Variants in PRKAG2 observed in about 807,000 individuals in gnomAD.
PRKAG2 encodes protein kinase AMP-activated non-catalytic subunit gamma 2, also known as 5'-AMP-activated protein kinase subunit gamma-2.
In PRKAG2, 26 loss-of-function variants were observed where a neutral mutation model predicts 69.6. The ratio of observed to expected loss-of-function variants is 0.37; its 90% CI spans 0.27 to 0.52. The LOEUF is 0.52. Ranked by LOEUF, PRKAG2 falls within the 20% of genes least tolerant of loss-of-function variation. The pLI is 0.90. For synonymous variants in PRKAG2, 293 were observed against 285.0 expected (o/e 1.03, Z -0.28); for missense variants, 557 against 740.0 (o/e 0.75, Z 2.87).
intron 11 of PRKAG2, 29 bp downstream of exon 11, chr7:151,568,687 T>C (rs1386255777): frequency 3.7e-6 from 6 of 1,609,446 alleles, no homozygotes; most frequent in South Asian, 2.2e-5. Context: ...AATGCAATTA[T>C]GTCTTTAGAA....
chr7:151,729,920 G>A (rs950279768), intron 3 of PRKAG2, among the ~76,000 whole-genome samples: 2 of 152,188 alleles, frequency 1.3e-5, no homozygotes, highest in African/African-American at 2.4e-5. Flanking sequence ...TCGAAACAAG[G>A]CAGACGCAAA....
chr7:151,725,691 C>G (rs1466917355), intron 3 of PRKAG2, among the ~76,000 whole-genome samples: 1 of 152,040 alleles, frequency 6.6e-6, no homozygotes, highest in Non-Finnish European at 1.5e-5. Context: ...TATATACAGA[C>G]AGTTCATACC....
chr7:151,595,431 C>T lies in PRKAG2; in HGVS notation c.778G>A (p.Val260Ile), dbSNP rs1814246242. The T allele has an allele frequency of 6.2e-7, 1 of 1,613,714 alleles. No individual in the cohort carries two copies. Among genetic ancestry groups the T allele is most frequent in the Non-Finnish European group, 8.5e-7 (1 of 1,179,868 alleles). Residue 260 changes from valine to isoleucine, a missense_variant, in exon 6 of 16, where the codon GTT becomes ATT. Val to Ile is a conservative substitution (Grantham distance 29). Around this residue, in one of 2 missense-constraint regions of PRKAG2, gnomAD observed 205 missense variants for 383.4 expected, o/e 0.53. Coordinates refer to ENST00000287878, the MANE Select transcript of PRKAG2 (RefSeq NM_016203.4). ...DEAVEDSESG[V>I]YMRFMRSHKC... ...TGTGACCTCATGAATCGCATGTAAA[C>T]ACCACTTTCTGAGTCTTCTACTGCT...
Position 151,682,667 on chromosome 7 carries a change from G to A in PRKAG2, c.467-7030C>T, listed in dbSNP as rs1033001770. Among the ~76,000 whole-genome samples the A allele has an allele frequency of 3.9e-5, 6 of 152,206 alleles. No homozygotes were observed. In the East Asian group the frequency reaches 1.2e-3, roughly 29 times the overall value. On this transcript the variant is annotated intron_variant, in intron 3 of 15. Transcript: ENST00000287878. ...ACGGGCCAAGTATGCTGGGGGTGTT[G>A]AGGAAGGAGGTGCTAAGATGGATTA...
rs1424824719 is a variant in PRKAG2 at position 151,632,322 on chromosome 7, G to A, written c.685-184C>T. ...GGAGCGCTGCCCCCACCCGCCCGAGGCCGCCGCCGCCGCCGCAGGTGGCGC... is the reference window on the plus strand; with the variant it reads ...GGAGCGCTGCCCCCACCCGCCCGAGACCGCCGCCGCCGCCGCAGGTGGCGC... On this transcript the variant is annotated intron_variant, in intron 4 of 15. Transcript: ENST00000287878. The surrounding 1 kb of genome is among the most constrained non-coding windows in gnomAD (Gnocchi z 4.2). 1.5e-6 allele frequency: 1 copy of A among 671,230 alleles called. No homozygotes were observed. Among genetic ancestry groups the A allele is most frequent in the African/African-American group, 2.0e-5 (1 of 50,678 alleles). 41.6% of individuals were successfully genotyped at this position (671,230 alleles called of 1,614,324 possible).
Position 151,632,051 on chromosome 7 carries a change from CG to C in PRKAG2, c.754+17del. On this transcript the variant is annotated intron_variant, in intron 5 of 15. Transcript: ENST00000287878. The surrounding 1 kb of genome is among the most constrained non-coding windows in gnomAD (Gnocchi z 4.2). The stretch of plus-strand genomic sequence containing the variant: ...GGCCGTGGGAGCGCCGGGCCGGCAG[CG>C]GGCGGGGCGCACTCACCTTCGTCCT... The C allele has an allele frequency of 7.4e-7, 1 of 1,356,858 alleles. No homozygotes were observed. The highest frequency in any genetic ancestry group is 9.6e-7 in the Non-Finnish European group (1 of 1,041,346). 84.1% of individuals were successfully genotyped at this position (1,356,858 alleles called of 1,614,324 possible). A position where few individuals can be genotyped will look rare whatever the true frequency, so the allele number is the denominator to read the frequency against.
Position 151,693,679 on chromosome 7 carries a change from T to C in PRKAG2, c.467-18042A>G, listed in dbSNP as rs143192262. ...AATTCTACCCGCAAGGTGATGGTGT[T>C]AGGAGGCCGGGCCTTGGGAGGTGAG... On this transcript the variant is annotated intron_variant, in intron 3 of 15. Transcript: ENST00000287878. 6.2e-3 allele frequency among the ~76,000 whole-genome samples: 944 copies of C among 152,262 alleles called. 3 individuals carry two copies. The highest frequency in any genetic ancestry group is 0.021 in the African/African-American group (869 of 41,534).
At chr7:151,579,729 A>T (rs181338579) in intron 6 of PRKAG2, among the ~76,000 whole-genome samples, 2 of 152,328 alleles carry the variant, frequency 1.3e-5, no homozygotes, top group East Asian at 3.9e-4. Context: ...CCCAGGTAAG[A>T]TAAACACAAA....
At chr7:151,795,989 T>C (rs908275536) in intron 1 of PRKAG2, among the ~76,000 whole-genome samples, 8 of 148,626 alleles carry the variant, frequency 5.4e-5, no homozygotes, top group African/African-American at 2.0e-4. Context: ...AATATGTATA[T>C]TAAGGAGATA....
intron 1 of PRKAG2, among the ~76,000 whole-genome samples, chr7:151,833,717 A>G (rs939433375): frequency 1.3e-5 from 2 of 152,256 alleles, no homozygotes; most frequent in African/African-American, 4.8e-5. Flanking sequence ...TGTGATTAAC[A>G]CATTCAGAAA....
chr7:151,806,258 G>A (rs2078095650), intron 1 of PRKAG2, among the ~76,000 whole-genome samples: 1 of 152,222 alleles, frequency 6.6e-6, no homozygotes, highest in African/African-American at 2.4e-5. Flanking sequence ...CTTTTGGGGT[G>A]CTCTTGGGTG....
chr7:151,856,458 G>C (rs2079778097), intron 1 of PRKAG2, among the ~76,000 whole-genome samples: 2 of 152,254 alleles, frequency 1.3e-5, no homozygotes, highest in South Asian at 4.1e-4. Context: ...TAGGATGTAG[G>C]GGGAGACGAA....
At chr7:151,568,941 T>C (rs913328746) in intron 10 of PRKAG2, 99 bp from the exon 11 acceptor site, 1 of 1,359,332 alleles carries the variant, frequency 7.4e-7, no homozygotes, top group Admixed American at 1.7e-5. Flanking sequence ...TTTTTATTAT[T>C]GCAATAATAA....
intron 1 of PRKAG2, among the ~76,000 whole-genome samples, chr7:151,858,377 C>T (rs1455355226): frequency 6.6e-6 from 1 of 152,258 alleles, no homozygotes; most frequent in Non-Finnish European, 1.5e-5. Flanking sequence ...CTACTGGCTC[C>T]TTGGAGCTTT....
At chr7:151,725,610 C>G (rs1021010605) in intron 3 of PRKAG2, among the ~76,000 whole-genome samples, 1 of 150,494 alleles carries the variant, frequency 6.6e-6, no homozygotes, top group Admixed American at 6.6e-5. Flanking sequence ...TACCATTCCA[C>G]AGAAGAGCTA....
intron 3 of PRKAG2, among the ~76,000 whole-genome samples, chr7:151,693,323 G>A (rs1222545120): frequency 6.6e-6 from 1 of 152,142 alleles, no homozygotes; most frequent in African/African-American, 2.4e-5. Context: ...AGGGGCGCAC[G>A]AGGGGTTCCA....
At position 151,575,950 on chromosome 7, in the gene PRKAG2, C is replaced by T. The variant is rs79682747; in HGVS notation, c.946+421G>A. On this transcript the variant is annotated intron_variant, in intron 7 of 15. Coordinates refer to ENST00000287878, the MANE Select transcript of PRKAG2 (RefSeq NM_016203.4). ...CAACAGTGTTTGGACCTTACTAGCA[C>T]GTCCACCTTCTTACCCAGTATGTAA... 5.1e-3 allele frequency among the ~76,000 whole-genome samples: 761 copies of T among 149,544 alleles called. 9 individuals are homozygous for T. The highest frequency in any genetic ancestry group is 0.017 in the African/African-American group (702 of 40,760).
At chr7:151,564,020 C>T (rs573051484) in intron 14 of PRKAG2, 58 bp downstream of exon 14, 7 of 1,610,926 alleles carry the variant, frequency 4.3e-6, no homozygotes, top group Non-Finnish European at 5.9e-6. Context: ...GCATCATTCA[C>T]TACTGGGGAC....
At chr7:151,680,491 A>G (rs576337124) in intron 3 of PRKAG2, among the ~76,000 whole-genome samples, 1 of 152,328 alleles carries the variant, frequency 6.6e-6, no homozygotes, top group African/African-American at 2.4e-5. Flanking sequence ...AAAAGGAAAG[A>G]AAGTATCTAT....
Sources: gnomAD v4.1 joint callset for allele counts (sites outside exome capture counted in the v4.1 genomes callset) on GRCh38, gnomAD v4.1.1 for gene constraint, gnomAD v4.1.1 regional missense constraint, Gnocchi (gnomAD v3.1) non-coding constraint, MANE v1.5 for transcripts, NCBI Gene and HGNC (gene_info 2026-07-23, HGNC 2026-07-21) for gene names.